MLLT10: variants seen among roughly 807,000 people sequenced by gnomAD.
The protein encoded by MLLT10 is protein AF-10.
A neutral mutation model predicts 129.1 loss-of-function variants in MLLT10; 30 were observed. The observed-to-expected ratio is 0.23, with a 90% CI of 0.17 to 0.32. The LOEUF (loss-of-function observed/expected upper bound fraction) is 0.32, where lower values mean the gene tolerates loss of function less well. Ranked by LOEUF, MLLT10 falls within the 10% of genes least tolerant of loss-of-function variation. The pLI is 1.00. For missense variants in MLLT10, 1,119 were observed against 1,268.3 expected (o/e 0.88, Z 1.79); for synonymous variants, 490 against 446.4 (o/e 1.10, Z -1.23).
chr10:21,637,837 G>A (rs973008623), intron 8 of MLLT10, among the ~76,000 whole-genome samples: 4 of 152,068 alleles, frequency 2.6e-5, no homozygotes, highest in African/African-American at 9.7e-5. Flanking sequence ...TAACAGCTGG[G>A]GCTATAAGAG....
chr10:21,726,545 A>T (rs1242325435), intron 15 of MLLT10, among the ~76,000 whole-genome samples, 190 bp downstream of exon 15: 2 of 152,116 alleles, frequency 1.3e-5, no homozygotes, highest in Non-Finnish European at 2.9e-5. Context: ...GCTTGATTTT[A>T]TTATTCCACA....
At chr10:21,593,089 C>T (rs2042668468) in intron 4 of MLLT10, among the ~76,000 whole-genome samples, 1 of 138,164 alleles carries the variant, frequency 7.2e-6, no homozygotes, top group Admixed American at 7.4e-5. Flanking sequence ...GTTGTTAATC[C>T]CACCCATTGA....
intron 5 of MLLT10, among the ~76,000 whole-genome samples, chr10:21,600,076 T>G (rs1426214371): frequency 1.3e-5 from 2 of 152,220 alleles, no homozygotes; most frequent in Non-Finnish European, 2.9e-5. Flanking sequence ...CATAGTGATT[T>G]GAAATATTAT....
At chr10:21,707,414 A>C (rs1395636015) in intron 13 of MLLT10, among the ~76,000 whole-genome samples, 4 of 151,868 alleles carry the variant, frequency 2.6e-5, no homozygotes, top group African/African-American at 9.7e-5. Flanking sequence ...GATGGTCTCG[A>C]TCTCCTGACC....
At position 21,559,614 on chromosome 10, in the gene MLLT10, ACT is replaced by A. The variant is rs1188251584; in HGVS notation, c.240+20706_240+20707del. On this transcript the variant is annotated intron_variant, in intron 3 of 22. Transcript: ENST00000307729. ...AGAAATTCTGTACCTTGTAAGCATA[ACT>A]CTCATTTCGCCCTCTCTATAGCCCC... is the stretch of plus-strand genomic sequence containing the variant. Among the ~76,000 whole-genome samples, 18 of 152,182 alleles carry A rather than the reference ACT, an allele frequency of 1.2e-4. No individual in the cohort carries two copies. In the South Asian group the frequency reaches 2.5e-3, roughly 21 times the overall value.
intron 3 of MLLT10, among the ~76,000 whole-genome samples, chr10:21,562,335 T>G (rs2038926652): frequency 6.6e-6 from 1 of 151,546 alleles, no homozygotes; most frequent in East Asian, 1.9e-4. Context: ...GTTTTTTTAT[T>G]TATTTATTTA....
At chr10:21,680,725 A>C (rs1175705665) in intron 11 of MLLT10, among the ~76,000 whole-genome samples, 1 of 152,122 alleles carries the variant, frequency 6.6e-6, no homozygotes, top group Admixed American at 6.5e-5. Flanking sequence ...TAATCCCAGC[A>C]CTTTGGGAGG....
intron 14 of MLLT10, 90 bp from the exon 15 acceptor site, chr10:21,726,154 G>T: frequency 1.2e-6 from 1 of 841,470 alleles, no homozygotes; most frequent in South Asian, 2.2e-5. Context: ...TCTTAGGTTG[G>T]AGAATATAAT....
intron 16 of MLLT10, among the ~76,000 whole-genome samples, chr10:21,728,866 A>ATT (rs201564671): frequency 6.5e-4 from 90 of 139,112 alleles, no homozygotes; most frequent in African/African-American, 6.1e-4. Context: ...CATGTCTACA[A>ATT]TTTTTTTTTT....
At chr10:21,667,017 G>A (rs750396347) in intron 9 of MLLT10, among the ~76,000 whole-genome samples, 11 of 152,258 alleles carry the variant, frequency 7.2e-5, no homozygotes, top group African/African-American at 2.6e-4. Context: ...TGGTCTGCTA[G>A]TGATTAGTTC....
intron 3 of MLLT10, 63 bp downstream of exon 3, chr10:21,538,975 C>T: frequency 8.4e-7 from 1 of 1,188,960 alleles, no homozygotes. Flanking sequence ...AGGAACTGCA[C>T]TCCTGTTGTG....
At chr10:21,667,701 G>C (rs114063892) in intron 9 of MLLT10, among the ~76,000 whole-genome samples, 4,257 of 152,134 alleles carry the variant, frequency 0.028, 198 homozygotes, top group African/African-American at 0.096. Flanking sequence ...CATAGCACTT[G>C]CCATCACCAA....
At chr10:21,714,121 TGA>T (rs1017103892) in intron 14 of MLLT10, among the ~76,000 whole-genome samples, 171 bp downstream of exon 14, 3 of 152,172 alleles carry the variant, frequency 2.0e-5, no homozygotes, top group Admixed American at 6.5e-5. Flanking sequence ...ATGGTATTCA[TGA>T]GAGAGGATGG....
intron 14 of MLLT10, among the ~76,000 whole-genome samples, chr10:21,722,237 A>G (rs1282195898): frequency 6.6e-6 from 1 of 152,222 alleles, no homozygotes; most frequent in African/African-American, 2.4e-5. Context: ...ATATTCTTAC[A>G]GTACCAGCAG....
intron 13 of MLLT10, among the ~76,000 whole-genome samples, chr10:21,701,074 T>C (rs1022525981): frequency 3.3e-5 from 5 of 152,178 alleles, no homozygotes; most frequent in African/African-American, 9.6e-5. Context: ...GTATGTTTTT[T>C]GGAATTCATC....
chr10:21,670,504 ATAC>A lies in MLLT10; in HGVS notation c.856_858del (p.Thr286del). The A allele has an allele frequency of 1.2e-6, 2 of 1,614,166 alleles. No homozygotes were observed. Among genetic ancestry groups the A allele is most frequent in the South Asian group, 1.1e-5 (1 of 91,084 alleles). ...TCTGGATCATTGAAGCGCTTGGAAGATACTACTGCACGATTTACAAATGCAAAT... is the reference window on the plus strand; with the variant it reads ...TCTGGATCATTGAAGCGCTTGGAAGATACTGCACGATTTACAAATGCAAAT... On this transcript the variant is annotated inframe_deletion, in exon 10 of 23. Coordinates refer to ENST00000307729, the MANE Select transcript of MLLT10 (RefSeq NM_001195626.3).
At chr10:21,625,236 C>G (rs1394830616) in intron 8 of MLLT10, 8 of 1,433,820 alleles carry the variant, frequency 5.6e-6, no homozygotes, top group Non-Finnish European at 4.9e-6. Context: ...TTGTCTGGTG[C>G]CTTGGCTAAG....
Position 21,561,289 on chromosome 10 carries a change from C to T in MLLT10, c.240+22377C>T, listed in dbSNP as rs554250925. ...TGAGACGGAGCCTTGCTCTGTTGCC[C>T]AGGCTGGAGTGCAGTGGTGAGATCT... On this transcript the variant is annotated intron_variant, in intron 3 of 22. Coordinates refer to ENST00000307729, the MANE Select transcript of MLLT10 (RefSeq NM_001195626.3). Among the ~76,000 whole-genome samples the T allele has an allele frequency of 3.3e-5, 5 of 152,198 alleles. No homozygotes were observed. In the East Asian group the frequency reaches 9.6e-4, roughly 29 times the overall value.
chr10:21,619,554 A>G (rs991533475), intron 8 of MLLT10, among the ~76,000 whole-genome samples: 4 of 152,322 alleles, frequency 2.6e-5, no homozygotes, highest in African/African-American at 9.6e-5. Context: ...GGTTGAGTGG[A>G]TGCTAGATTA....
Sources: gnomAD v4.1 joint callset for allele counts (sites outside exome capture counted in the v4.1 genomes callset) on GRCh38, gnomAD v4.1.1 for gene constraint, MANE v1.5 for transcripts, NCBI Gene and HGNC (gene_info 2026-07-23, HGNC 2026-07-21) for gene names.